The following MAGOHB variants were observed in gnomAD, a reference collection of about 807,000 sequenced individuals.
The protein encoded by MAGOHB is protein mago nashi homolog 2.
Under a neutral mutation model 20.9 loss-of-function variants are expected in MAGOHB, and 15 were observed. That is an observed-to-expected ratio of 0.72 (90% CI 0.48 to 1.11). MAGOHB has a LOEUF of 1.11. Among genes scored for constraint, MAGOHB ranks in the 50% least tolerant of loss-of-function variants. MAGOHB has a pLI of 0.00. For synonymous variants in MAGOHB, 50 were observed against 57.9 expected, an observed-to-expected ratio of 0.86 and a Z score of 0.62; for missense variants, 162 against 177.6, an observed-to-expected ratio of 0.91 and a Z score of 0.50.
downstream of MAGOHB, among the ~76,000 whole-genome samples, chr12:10,600,223 T>C (rs191541274): frequency 4.8e-4 from 73 of 152,170 alleles, 3 homozygotes; most frequent in East Asian, 0.014. Flanking sequence ...TATTTTTTAT[T>C]TATTATTTTC....
chr12:10,599,912 A>G (rs1865538251), downstream of MAGOHB, among the ~76,000 whole-genome samples: 1 of 152,174 alleles, frequency 6.6e-6, no homozygotes, highest in Non-Finnish European at 1.5e-5. Context: ...CTTTAGAGAA[A>G]CTGCTGGTAA....
rs1485407775 is a variant in MAGOHB at position 10,610,611 on chromosome 12, A to C, written c.153+11T>G. ...AAAAAAAAAAAAAAAAGACATTCAC[A>C]TAGAACTTACCTCTTTTCTGATCAT... On this transcript the variant is annotated intron_variant, in intron 2 of 4. Transcript: ENST00000320756. 1 of 1,468,294 alleles carries C rather than the reference A, an allele frequency of 6.8e-7. No individual in the cohort carries two copies. Among genetic ancestry groups the C allele is most frequent in the Non-Finnish European group, 9.0e-7 (1 of 1,106,268 alleles). The allele number at this position is 1,468,294 out of a possible 1,614,324, so 91.0% of individuals were successfully genotyped here.
rs1478412044 is a variant in MAGOHB, at chr12:10,612,980, T to C, written c.94+459A>G. ...CTTGCTTGGTACTCTTCATGCGTCC[T>C]ATGGTGAACAATTACACGTAAACAC... On this transcript the variant is annotated intron_variant, in intron 1 of 4. Transcript: ENST00000320756. 23 of 1,280,624 alleles carry C rather than the reference T, an allele frequency of 1.8e-5. No individual in the cohort carries two copies. The Admixed American group carries it at 2.3e-4, about 13-fold the overall frequency. 79.3% of individuals were successfully genotyped at this position (1,280,624 alleles called of 1,614,324 possible). A position where few individuals can be genotyped will look rare whatever the true frequency, so the allele number is the denominator to read the frequency against.
intron 2 of MAGOHB, 45 bp downstream of exon 2, chr12:10,610,577 C>CAAAAAAA (rs541042923): frequency 1.2e-3 from 861 of 726,886 alleles, no homozygotes; most frequent in African/African-American, 5.5e-3. Context: ...GGGCTAAATG[C>CAAAAAAA]AAAAAAAAAA....
downstream of MAGOHB, among the ~76,000 whole-genome samples, chr12:10,603,825 A>G (rs1466572023): frequency 6.6e-6 from 1 of 152,198 alleles, no homozygotes; most frequent in African/African-American, 2.4e-5. Flanking sequence ...TTCATTATCC[A>G]TTCATGCTAG....
At chr12:10,600,585 A>G (rs1289756420), downstream of MAGOHB, among the ~76,000 whole-genome samples, 1 of 152,150 alleles carries the variant, frequency 6.6e-6, no homozygotes, top group Non-Finnish European at 1.5e-5. Context: ...TTATTTCTCT[A>G]CTTGAGTTTT....
At position 10,605,802 on chromosome 12, in the gene MAGOHB, C is replaced by A. The variant is rs1406228038; in HGVS notation, c.*473G>T. 6.6e-6 allele frequency: 1 copy of A among 151,764 alleles called. No individual in the cohort carries two copies. The allele number at this position is 151,764 out of a possible 1,614,324, so 9.4% of individuals were successfully genotyped here. A position where few individuals can be genotyped will look rare whatever the true frequency, so the allele number is the denominator to read the frequency against. On this transcript the variant is annotated 3_prime_UTR_variant, in exon 5 of 5. Transcript: ENST00000320756. ...GTCATAACTGTAAAAAAAAACTAGACCTTGTATAAGCCCCCCAAAATTAAA... is the reference window on the plus strand; with the variant it reads ...GTCATAACTGTAAAAAAAAACTAGAACTTGTATAAGCCCCCCAAAATTAAA...
chr12:10,606,267 C>T lies in MAGOHB; in HGVS notation c.*8G>A, dbSNP rs1437502495. On this transcript the variant is annotated 3_prime_UTR_variant, in exon 5 of 5. Transcript: ENST00000320756. Reference sequence around the variant, plus strand: ...ATTAAATATACAAACAGCCTGAAAACATACAATTTAAATTGGTTTAATCTT... The same window carrying T: ...ATTAAATATACAAACAGCCTGAAAATATACAATTTAAATTGGTTTAATCTT... 1 of 1,378,478 alleles carries T rather than the reference C, an allele frequency of 7.3e-7. No individual in the cohort carries two copies. The highest frequency in any genetic ancestry group is 1.0e-6 in the Non-Finnish European group (1 of 1,002,090). The allele number at this position is 1,378,478 out of a possible 1,614,324, so 85.4% of individuals were successfully genotyped here. A position where few individuals can be genotyped will look rare whatever the true frequency, so the allele number is the denominator to read the frequency against.
intron 1 of MAGOHB, among the ~76,000 whole-genome samples, chr12:10,611,471 G>A (rs1038984475): frequency 6.6e-6 from 1 of 152,058 alleles, no homozygotes; most frequent in African/African-American, 2.4e-5. Flanking sequence ...TTGGCACCAG[G>A]CACAGTGGCT....
At chr12:10,601,869 G>C (rs113285303), downstream of MAGOHB, among the ~76,000 whole-genome samples, 94 of 152,302 alleles carry the variant, frequency 6.2e-4, no homozygotes, top group African/African-American at 2.1e-3. Context: ...TTCAAAATAA[G>C]TAACTGTTTT....
At chr12:10,612,651 G>T (rs1484630617) in intron 1 of MAGOHB, 9 of 1,130,032 alleles carry the variant, frequency 8.0e-6, no homozygotes, top group South Asian at 6.1e-5. Flanking sequence ...TTAAAATTTT[G>T]TATTTGCTTG....
At chr12:10,601,279 A>AT (rs1865552456), downstream of MAGOHB, among the ~76,000 whole-genome samples, 1 of 53,884 alleles carries the variant, frequency 1.9e-5, no homozygotes, top group South Asian at 8.5e-4. Flanking sequence ...ACCTCCCAAC[A>AT]TTGACAAGTA....
downstream of MAGOHB, among the ~76,000 whole-genome samples, chr12:10,603,630 T>C (rs1050185614): frequency 6.6e-6 from 1 of 152,144 alleles, no homozygotes; most frequent in Non-Finnish European, 1.5e-5. Flanking sequence ...ATTCTTAAAT[T>C]AGTATTCTCT....
At chr12:10,601,320 T>G (rs193289542), downstream of MAGOHB, among the ~76,000 whole-genome samples, 4 of 152,254 alleles carry the variant, frequency 2.6e-5, no homozygotes, top group South Asian at 8.3e-4. Context: ...ATGAGGAAAC[T>G]AAAGTGAAGA....
downstream of MAGOHB, among the ~76,000 whole-genome samples, chr12:10,599,996 CTTAGT>C (rs1299678231): frequency 4.6e-5 from 7 of 152,052 alleles, no homozygotes; most frequent in East Asian, 1.4e-3. Flanking sequence ...CTACTTAGCT[CTTAGT>C]TTAAATAACA....
At chr12:10,603,464 ACAG>A (rs1036694423), downstream of MAGOHB, among the ~76,000 whole-genome samples, 4 of 152,284 alleles carry the variant, frequency 2.6e-5, no homozygotes, top group Non-Finnish European at 5.9e-5. Context: ...AATTGATCAA[ACAG>A]CAACCATCCT....
intron 1 of MAGOHB, chr12:10,612,890 C>G: frequency 7.8e-7 from 1 of 1,289,162 alleles, no homozygotes. Context: ...CGAGACTCAT[C>G]TCAAGAGTGC....
At chr12:10,600,156 G>GT (rs563135807), downstream of MAGOHB, among the ~76,000 whole-genome samples, 1 of 151,146 alleles carries the variant, frequency 6.6e-6, no homozygotes, top group African/African-American at 2.4e-5. Context: ...TATTCTTCCA[G>GT]TTTTTTTTCT....
downstream of MAGOHB, among the ~76,000 whole-genome samples, chr12:10,603,269 G>A (rs959496062): frequency 2.1e-5 from 3 of 145,682 alleles, no homozygotes; most frequent in Non-Finnish European, 4.5e-5. Flanking sequence ...AGCCGAGATC[G>A]CGCCGCTGCA....
Sources: gnomAD v4.1 joint callset for allele counts (sites outside exome capture counted in the v4.1 genomes callset) on GRCh38, gnomAD v4.1.1 for gene constraint, MANE v1.5 for transcripts, NCBI Gene and HGNC (gene_info 2026-07-23, HGNC 2026-07-21) for gene names.